Variants in DLG2 observed in about 807,000 individuals in gnomAD.
DLG2 encodes discs large MAGUK scaffold protein 2, also known as disks large homolog 2.
In DLG2, 45 loss-of-function variants were observed where a neutral mutation model predicts 132.5. That is an observed-to-expected ratio of 0.34 (90% CI 0.27 to 0.44). DLG2 has a LOEUF of 0.44. Ranked by LOEUF, DLG2 falls within the 20% of genes least tolerant of loss-of-function variation. The pLI, the probability that DLG2 is intolerant of heterozygous loss-of-function variation, is 1.00. For synonymous variants in DLG2, 424 were observed against 419.6 expected (o/e 1.01, Z -0.13); for missense variants, 1,045 against 1,196.9 (o/e 0.87, Z 1.87).
intron 6 of DLG2, among the ~76,000 whole-genome samples, chr11:84,722,040 T>A (rs993722942): frequency 6.6e-6 from 1 of 152,166 alleles, no homozygotes; most frequent in Non-Finnish European, 1.5e-5. Flanking sequence ...TCAAGTCACA[T>A]AATCAATAAA....
At chr11:85,447,086 A>T (rs1424956130) in intron 3 of DLG2, among the ~76,000 whole-genome samples, 3 of 152,166 alleles carry the variant, frequency 2.0e-5, no homozygotes, top group Non-Finnish European at 4.4e-5. Flanking sequence ...TTAAAGACCA[A>T]CTGTACAGAA....
chr11:83,561,995 T>G (rs780566947), intron 19 of DLG2, among the ~76,000 whole-genome samples: 8 of 149,738 alleles, frequency 5.3e-5, no homozygotes, highest in Non-Finnish European at 1.2e-4. Context: ...TTCAAGCAAT[T>G]CTCCTGCTTC....
At chr11:83,517,510 TTC>T (rs1565595848) in intron 21 of DLG2, among the ~76,000 whole-genome samples, 1 of 152,248 alleles carries the variant, frequency 6.6e-6, no homozygotes, top group Non-Finnish European at 1.5e-5. Context: ...TGAAGCCTTC[TTC>T]TCTCAACTCA....
chr11:84,460,534 G>C (rs1382048605), intron 7 of DLG2, among the ~76,000 whole-genome samples: 1 of 150,186 alleles, frequency 6.7e-6, no homozygotes, highest in East Asian at 2.0e-4. Flanking sequence ...GTGGTGCCCT[G>C]TTCTTAGCTT....
intron 8 of DLG2, among the ~76,000 whole-genome samples, chr11:84,188,610 A>C (rs1254277133): frequency 6.6e-6 from 1 of 152,160 alleles, no homozygotes; most frequent in Non-Finnish European, 1.5e-5. Context: ...CACTGAGCTA[A>C]TATTGGAGTG....
Position 85,402,982 on chromosome 11 carries a change from C to T in DLG2, c.41-117617G>A, listed in dbSNP as rs150684329. ...GGCAATACCATCTGACCCAGCAATC[C>T]CATTACTAGGTATATACCCAAAGGA... On this transcript the variant is annotated intron_variant, in intron 3 of 27. Transcript: ENST00000376104. Among the ~76,000 whole-genome samples, 794 of 152,166 alleles carry T rather than the reference C, an allele frequency of 5.2e-3. 1 individual carries two copies. Among genetic ancestry groups the T allele is most frequent in the Non-Finnish European group, 9.1e-3 (618 of 68,002 alleles).
At chr11:85,430,942 A>C (rs1457787168) in intron 3 of DLG2, among the ~76,000 whole-genome samples, 1 of 152,178 alleles carries the variant, frequency 6.6e-6, no homozygotes, top group Non-Finnish European at 1.5e-5. Flanking sequence ...ACTGTATTTC[A>C]GCATGAGTGA....
intron 15 of DLG2, among the ~76,000 whole-genome samples, chr11:83,916,308 GT>G (rs749700364): frequency 8.1e-5 from 12 of 148,298 alleles, no homozygotes; most frequent in Middle Eastern, 3.4e-3. Context: ...TAAATTTAGG[GT>G]TTTTTTTTTG....
chr11:84,547,706 T>G (rs1268969071), intron 6 of DLG2, among the ~76,000 whole-genome samples: 1 of 152,180 alleles, frequency 6.6e-6, no homozygotes, highest in African/African-American at 2.4e-5. Context: ...TCTGACTCCC[T>G]GAGAATCCCT....
At chr11:83,850,924 C>T (rs563180527) in intron 16 of DLG2, among the ~76,000 whole-genome samples, 69 of 152,220 alleles carry the variant, frequency 4.5e-4, no homozygotes, top group African/African-American at 1.6e-3. Flanking sequence ...CACCTGTAAT[C>T]CCACTACTTT....
chr11:85,307,836 T>G (rs1418681036), intron 3 of DLG2, among the ~76,000 whole-genome samples: 2 of 152,178 alleles, frequency 1.3e-5, no homozygotes, highest in Non-Finnish European at 2.9e-5. Context: ...CAATGTTTTT[T>G]GACAGTTACA....
intron 14 of DLG2, among the ~76,000 whole-genome samples, chr11:83,933,932 T>A (rs1415298672): frequency 6.6e-6 from 1 of 152,248 alleles, no homozygotes; most frequent in Non-Finnish European, 1.5e-5. Context: ...AAGGAAAAGA[T>A]GCAAACATGG....
chr11:83,612,349 G>A (rs994604344), intron 19 of DLG2, among the ~76,000 whole-genome samples: 2 of 152,182 alleles, frequency 1.3e-5, no homozygotes, highest in Non-Finnish European at 2.9e-5. Flanking sequence ...ATCTCTCACC[G>A]AATTGGTGTA....
intron 7 of DLG2, among the ~76,000 whole-genome samples, chr11:84,346,427 A>C (rs2098539561): frequency 6.6e-6 from 1 of 152,210 alleles, no homozygotes; most frequent in Non-Finnish European, 1.5e-5. Flanking sequence ...AGCTGGGTAA[A>C]AAAGTGGTAA....
chr11:85,593,885 T>G (rs2153232921), intron 3 of DLG2, among the ~76,000 whole-genome samples: 1 of 152,302 alleles, frequency 6.6e-6, no homozygotes, highest in South Asian at 2.1e-4. Flanking sequence ...ATTAATTGTG[T>G]GTTTAATGTC....
At chr11:85,487,985 G>C (rs150963685) in intron 3 of DLG2, among the ~76,000 whole-genome samples, 1 of 152,312 alleles carries the variant, frequency 6.6e-6, no homozygotes, top group Non-Finnish European at 1.5e-5. Context: ...CATGAGGGTG[G>C]TTTCCCCATA....
chr11:83,973,721 T>C (rs957825420), intron 12 of DLG2, among the ~76,000 whole-genome samples: 1 of 151,900 alleles, frequency 6.6e-6, no homozygotes, highest in Non-Finnish European at 1.5e-5. Context: ...TAAAATAAAA[T>C]GAAGCATGAT....
intron 7 of DLG2, among the ~76,000 whole-genome samples, chr11:84,423,804 T>C (rs1189527612): frequency 6.6e-6 from 1 of 152,102 alleles, no homozygotes; most frequent in Non-Finnish European, 1.5e-5. Flanking sequence ...TAAATAGGTG[T>C]GACATGAAAA....
intron 18 of DLG2, among the ~76,000 whole-genome samples, chr11:83,774,933 C>T (rs531029262): frequency 6.6e-6 from 1 of 152,210 alleles, no homozygotes. Context: ...CCTCTGCTTG[C>T]CTTTATGACA....
Sources: gnomAD v4.1 joint callset for allele counts (sites outside exome capture counted in the v4.1 genomes callset) on GRCh38, gnomAD v4.1.1 for gene constraint, MANE v1.5 for transcripts, NCBI Gene and HGNC (gene_info 2026-07-23, HGNC 2026-07-21) for gene names.